TMEM67: variants seen among roughly 807,000 people sequenced by gnomAD.
TMEM67 encodes the protein transmembrane protein 67.
Under a neutral mutation model 136.6 loss-of-function variants are expected in TMEM67, and 124 were observed. That is an observed-to-expected ratio of 0.91 (90% confidence interval 0.78 to 1.05). The LOEUF (loss-of-function observed/expected upper bound fraction) is 1.05, where lower values mean the gene tolerates loss of function less well. Among genes scored for constraint, TMEM67 ranks in the 50% least tolerant of loss-of-function variants. TMEM67 has a pLI of 0.00. For synonymous variants in TMEM67, 364 were observed against 390.5 expected (o/e 0.93, Z 0.80); for missense variants, 1,107 against 1,178.4 (o/e 0.94, Z 0.89).
downstream of TMEM67, among the ~76,000 whole-genome samples, chr8:93,823,983 C>G (rs548881316): frequency 6.6e-6 from 1 of 152,228 alleles, no homozygotes; most frequent in South Asian, 2.1e-4. Flanking sequence ...GAACACAAAG[C>G]CAAAGTCAAT....
chr8:93,755,627 A>G, intron 1 of TMEM67, 151 bp from the exon 2 acceptor site: 1 of 621,472 alleles, frequency 1.6e-6, no homozygotes, highest in Non-Finnish European at 2.8e-6. Context: ...TCTGGATTTG[A>G]ACCCAGGCAG....
At chr8:93,767,036 T>C (rs189156782) in intron 6 of TMEM67, among the ~76,000 whole-genome samples, 3 of 152,336 alleles carry the variant, frequency 2.0e-5, no homozygotes, top group African/African-American at 7.2e-5. Flanking sequence ...GTCCCAACAA[T>C]GACTCTTTGT....
chr8:93,783,277 C>T (rs1459263441), intron 11 of TMEM67, among the ~76,000 whole-genome samples: 2 of 152,198 alleles, frequency 1.3e-5, no homozygotes. Context: ...TGAGCCACCT[C>T]GTCCGGCCTA....
intron 14 of TMEM67, 122 bp downstream of exon 14, chr8:93,788,071 A>G (rs557373916): frequency 4.1e-6 from 3 of 725,432 alleles, no homozygotes; most frequent in Non-Finnish European, 7.2e-6. Flanking sequence ...ACCTTTCTCT[A>G]CATATAGTCA....
chr8:93,827,729 A>G, the TMEM67 span, among the ~76,000 whole-genome samples: 2 of 150,850 alleles, frequency 1.3e-5, no homozygotes, highest in Non-Finnish European at 3.0e-5. Flanking sequence ...GAGTGTTGGG[A>G]TTACAGGCAT....
chr8:93,760,648 C>T (rs1489291132), intron 3 of TMEM67, among the ~76,000 whole-genome samples: 2 of 149,714 alleles, frequency 1.3e-5, no homozygotes, highest in African/African-American at 4.9e-5. Context: ...CCTGACCAGC[C>T]TGGGCAATAT....
At chr8:93,819,094 C>T (rs898043906), downstream of TMEM67, 1 of 453,230 alleles carries the variant, frequency 2.2e-6, no homozygotes, top group African/African-American at 2.0e-5. Context: ...TCAGCCACTA[C>T]ACATGGCCAG....
chr8:93,774,084 G>A (rs999340245), intron 7 of TMEM67, among the ~76,000 whole-genome samples: 5 of 151,562 alleles, frequency 3.3e-5, no homozygotes, highest in Non-Finnish European at 4.4e-5. Flanking sequence ...GCACAATCTC[G>A]ACTCACTGCA....
chr8:93,811,479 C>CCTTG (rs1417914347), intron 26 of TMEM67, among the ~76,000 whole-genome samples: 1 of 152,154 alleles, frequency 6.6e-6, no homozygotes. Context: ...ATTCCAAAGT[C>CCTTG]CTTGCCTGAT....
At chr8:93,799,550 G>A (rs1411461859) in intron 20 of TMEM67, 68 bp from the exon 21 acceptor site, 7 of 1,532,072 alleles carry the variant, frequency 4.6e-6, no homozygotes, top group Non-Finnish European at 6.3e-6. Flanking sequence ...GAGGTTTTCT[G>A]TTTTCAGTCT....
the TMEM67 span, among the ~76,000 whole-genome samples, chr8:93,830,015 C>T: frequency 6.6e-6 from 1 of 152,264 alleles, no homozygotes; most frequent in East Asian, 1.9e-4. Context: ...GGGGTCCTGC[C>T]CTATAACCTG....
intron 16 of TMEM67, among the ~76,000 whole-genome samples, 195 bp downstream of exon 16, chr8:93,793,491 ATTCCCAC>A (rs1377884378): frequency 6.6e-6 from 1 of 152,168 alleles, no homozygotes; most frequent in Admixed American, 6.5e-5. Context: ...GCCAGTCTAT[ATTCCCAC>A]CAGCAATGCT....
At chr8:93,787,419 AT>A (rs1297350097) in intron 13 of TMEM67, among the ~76,000 whole-genome samples, 1 of 152,052 alleles carries the variant, frequency 6.6e-6, no homozygotes, top group Non-Finnish European at 1.5e-5. Flanking sequence ...GACACATATT[AT>A]TTTGTTAAGA....
At chr8:93,797,558 G>C in intron 20 of TMEM67, 88 bp downstream of exon 20, 1 of 1,284,702 alleles carries the variant, frequency 7.8e-7, no homozygotes. Flanking sequence ...TTTCATGACA[G>C]TGGAAGATTT....
intron 23 of TMEM67, among the ~76,000 whole-genome samples, chr8:93,808,525 CTA>C (rs1192421433): frequency 3.7e-4 from 6 of 16,234 alleles, no homozygotes; most frequent in African/African-American, 1.4e-3. Context: ...TATTTATAAT[CTA>C]TATATATCTA....
chr8:93,767,618 C>G (rs1180972739), intron 6 of TMEM67, among the ~76,000 whole-genome samples: 1 of 151,912 alleles, frequency 6.6e-6, no homozygotes, highest in Non-Finnish European at 1.5e-5. Flanking sequence ...TTTGTGGGTT[C>G]CTAATTTATT....
At chr8:93,804,626 A>T in intron 22 of TMEM67, 136 bp from the exon 23 acceptor site, 1 of 560,386 alleles carries the variant, frequency 1.8e-6, no homozygotes, top group Non-Finnish European at 3.2e-6. Context: ...TCATTACTTT[A>T]TTATCCTCTT....
At chr8:93,779,876 G>A (rs148088380) in intron 7 of TMEM67, among the ~76,000 whole-genome samples, 387 of 152,252 alleles carry the variant, frequency 2.5e-3, no homozygotes, top group Middle Eastern at 6.8e-3. Flanking sequence ...GAGCTCAAAC[G>A]CTGTGCTGGG....
intron 7 of TMEM67, among the ~76,000 whole-genome samples, chr8:93,778,808 T>C (rs935097324): frequency 1.3e-5 from 2 of 152,188 alleles, no homozygotes; most frequent in African/African-American, 4.8e-5. Context: ...AGTTTAACCT[T>C]GGTGAATCTG....
Sources: allele counts gnomAD v4.1 joint callset (sites outside exome capture counted in the v4.1 genomes callset), GRCh38; gene constraint gnomAD v4.1.1; transcripts MANE v1.5; gene names NCBI Gene and HGNC (gene_info 2026-07-23, HGNC 2026-07-21).